The following SPMAP2L variants were observed in gnomAD, a reference collection of about 807,000 sequenced individuals.
SPMAP2L encodes sperm microtubule associated protein 2-like.
chr4:56,575,694 C>G, the SPMAP2L span: 1 of 1,503,244 alleles, frequency 6.7e-7, no homozygotes, highest in Non-Finnish European at 8.9e-7. Flanking sequence ...GGCCAGATGT[C>G]TTAGTATTTT....
the SPMAP2L span, among the ~76,000 whole-genome samples, chr4:56,600,703 A>G: frequency 3.3e-5 from 5 of 152,308 alleles, no homozygotes; most frequent in South Asian, 8.3e-4. Context: ...TAAAGCTTAG[A>G]ACACTGTCTG....
chr4:56,558,935 A>T, the SPMAP2L span, among the ~76,000 whole-genome samples: 290 of 151,664 alleles, frequency 1.9e-3, no homozygotes, highest in Non-Finnish European at 3.0e-3. Context: ...TCTACCCACT[A>T]CTTCTTTCTT....
chr4:56,601,076 C>T, the SPMAP2L span: 1 of 1,535,014 alleles, frequency 6.5e-7, no homozygotes, highest in African/African-American at 1.4e-5. Flanking sequence ...AAAGCATCAC[C>T]TAGGATTCAG....
the SPMAP2L span, among the ~76,000 whole-genome samples, chr4:56,566,905 G>A: frequency 6.6e-6 from 1 of 151,190 alleles, no homozygotes; most frequent in African/African-American, 2.4e-5. Context: ...GCGTGTTGGT[G>A]AGGCTGGTCT....
chr4:56,595,519 G>A, the SPMAP2L span: 47 of 1,516,608 alleles, frequency 3.1e-5, no homozygotes, highest in East Asian at 1.8e-4. Flanking sequence ...CCTGACCTGC[G>A]TTATATCTTC....
At chr4:56,536,318 G>C in the SPMAP2L span, among the ~76,000 whole-genome samples, 1 of 152,190 alleles carries the variant, frequency 6.6e-6, no homozygotes, top group Admixed American at 6.5e-5. Flanking sequence ...GCAGGCACAT[G>C]GGCATCCTTG....
At chr4:56,592,623 C>G in the SPMAP2L span, among the ~76,000 whole-genome samples, 1 of 152,292 alleles carries the variant, frequency 6.6e-6, no homozygotes, top group South Asian at 2.1e-4. Flanking sequence ...GCGGCTGACC[C>G]TTGCGGGCCG....
At chr4:56,610,016 A>G in the SPMAP2L span, among the ~76,000 whole-genome samples, 1 of 152,196 alleles carries the variant, frequency 6.6e-6, no homozygotes, top group African/African-American at 2.4e-5. Context: ...TGTGAAAATG[A>G]CCATACTGCC....
At chr4:56,592,633 G>A in the SPMAP2L span, among the ~76,000 whole-genome samples, 32 of 152,126 alleles carry the variant, frequency 2.1e-4, no homozygotes, top group Non-Finnish European at 3.5e-4. Flanking sequence ...CTTGCGGGCC[G>A]GGGCAGGGGA....
the SPMAP2L span, among the ~76,000 whole-genome samples, chr4:56,545,306 A>G: frequency 6.6e-6 from 1 of 152,158 alleles, no homozygotes; most frequent in South Asian, 2.1e-4. Flanking sequence ...TCATCTAAAA[A>G]CAGACATATC....
At chr4:56,534,628 A>G in the SPMAP2L span, among the ~76,000 whole-genome samples, 2 of 152,142 alleles carry the variant, frequency 1.3e-5, no homozygotes, top group Non-Finnish European at 2.9e-5. Context: ...TCAATTTGGC[A>G]TGTAAAACAT....
chr4:56,594,095 G>C, the SPMAP2L span: 1 of 1,608,644 alleles, frequency 6.2e-7, no homozygotes, highest in South Asian at 1.1e-5. Context: ...CAATGAAAAA[G>C]ATCTGGACGA....
the SPMAP2L span, among the ~76,000 whole-genome samples, chr4:56,584,300 G>A: frequency 6.6e-6 from 1 of 152,046 alleles, no homozygotes; most frequent in African/African-American, 2.4e-5. Context: ...TGGCAAAAAT[G>A]TACTTCTTAC....
chr4:56,565,655 A>G, the SPMAP2L span, among the ~76,000 whole-genome samples: 1 of 152,220 alleles, frequency 6.6e-6, no homozygotes. Context: ...TTAAAATATT[A>G]TATAAAATTA....
the SPMAP2L span, chr4:56,593,688 T>C: frequency 6.2e-7 from 1 of 1,601,252 alleles, no homozygotes; most frequent in East Asian, 2.2e-5. Flanking sequence ...GTGAGAATGA[T>C]GCCTGGAAGA....
chr4:56,595,102 G>A, the SPMAP2L span: 37 of 1,611,382 alleles, frequency 2.3e-5, no homozygotes, highest in Middle Eastern at 4.1e-4. Context: ...CATTTCCTGG[G>A]CTTATATCAA....
At chr4:56,583,608 AAG>A in the SPMAP2L span, among the ~76,000 whole-genome samples, 2 of 152,194 alleles carry the variant, frequency 1.3e-5, no homozygotes, top group African/African-American at 4.8e-5. Flanking sequence ...TGATTAGGGA[AAG>A]AAATATGTGG....
the SPMAP2L span, among the ~76,000 whole-genome samples, chr4:56,576,623 T>C: frequency 6.6e-6 from 1 of 152,196 alleles, no homozygotes; most frequent in African/African-American, 2.4e-5. Context: ...CAGAGAAAGG[T>C]TGAACTAGAC....
the SPMAP2L span, among the ~76,000 whole-genome samples, chr4:56,547,780 G>A: frequency 6.6e-6 from 1 of 151,972 alleles, no homozygotes; most frequent in Non-Finnish European, 1.5e-5. Context: ...AAAGACTCTG[G>A]AGCAATCCAT....
Sources: allele counts gnomAD v4.1 joint callset (sites outside exome capture counted in the v4.1 genomes callset), GRCh38; gene constraint gnomAD v4.1.1; transcripts MANE v1.5; gene names NCBI Gene and HGNC (gene_info 2026-07-23, HGNC 2026-07-21).